Variants in TRPC5 observed in about 807,000 individuals in gnomAD.
The protein encoded by TRPC5 is transient receptor potential cation channel subfamily C member 5, also known as short transient receptor potential channel 5.
TRPC5 carries 9 observed loss-of-function variants against 56.5 expected under a neutral mutation model. The ratio of observed to expected loss-of-function variants is 0.16; its 90% CI spans 0.10 to 0.28. The LOEUF (loss-of-function observed/expected upper bound fraction) is 0.28, where lower values mean the gene tolerates loss of function less well. TRPC5 is among the 10% of genes least tolerant of loss of function. The pLI is 1.00. For synonymous variants in TRPC5, 282 were observed against 278.5 expected, an observed-to-expected ratio of 1.01 and a Z score of -0.13; for missense variants, 469 against 748.9, an observed-to-expected ratio of 0.63 and a Z score of 4.36.
chrX:112,064,904 C>T (rs1403171686), intron 1 of TRPC5, among the ~76,000 whole-genome samples: 1 of 109,898 alleles, frequency 9.1e-6, no homozygotes, highest in Non-Finnish European at 1.9e-5. Context: ...GAAACCCTGT[C>T]TCTACTAAAA....
intron 2 of TRPC5, among the ~76,000 whole-genome samples, chrX:111,948,009 A>G (rs182376367): frequency 6.9e-4 from 78 of 112,511 alleles, no homozygotes; most frequent in Non-Finnish European, 1.4e-3. Context: ...TTGTTTAATT[A>G]GGCAAATATG....
chrX:111,938,229 G>C (rs1926657601), intron 2 of TRPC5, among the ~76,000 whole-genome samples: 1 of 89,353 alleles, frequency 1.1e-5, no homozygotes, highest in Non-Finnish European at 2.2e-5. Flanking sequence ...TTGCCTATCA[G>C]CTTAAGGAGA....
At chrX:112,005,618 G>A (rs769133388) in intron 1 of TRPC5, among the ~76,000 whole-genome samples, 44 of 111,053 alleles carry the variant, frequency 4.0e-4, no homozygotes, top group Admixed American at 7.7e-4. Context: ...CCTGTTCTAA[G>A]AGAAGTATAA....
At chrX:111,985,703 C>T (rs1362316778) in intron 1 of TRPC5, among the ~76,000 whole-genome samples, 1 of 111,775 alleles carries the variant, frequency 8.9e-6, no homozygotes, top group Admixed American at 9.5e-5. Flanking sequence ...TTCTGCTCAT[C>T]CAGATTAAGT....
intron 6 of TRPC5, among the ~76,000 whole-genome samples, chrX:111,837,602 T>A (rs1710896115): frequency 9.0e-6 from 1 of 111,650 alleles, no homozygotes; most frequent in South Asian, 3.8e-4. Context: ...AAATATGTAA[T>A]CAATATGTTG....
At chrX:111,972,947 G>A (rs1304850709) in intron 1 of TRPC5, among the ~76,000 whole-genome samples, 6 of 111,432 alleles carry the variant, frequency 5.4e-5, no homozygotes, top group Admixed American at 9.6e-5. Context: ...GAGGTTTATA[G>A]ATGGACTTCT....
intron 1 of TRPC5, among the ~76,000 whole-genome samples, chrX:112,026,678 G>A (rs775195128): frequency 9.0e-6 from 1 of 110,640 alleles, no homozygotes; most frequent in African/African-American, 3.3e-5. Context: ...AGTTCTTATA[G>A]TCTATGCTTG....
chrX:111,857,230 T>A (rs1434632246), intron 3 of TRPC5, among the ~76,000 whole-genome samples: 6 of 112,128 alleles, frequency 5.4e-5, no homozygotes, highest in Non-Finnish European at 1.1e-4. Context: ...GCAGAAAGAT[T>A]AGTTAGAAAA....
intron 1 of TRPC5, among the ~76,000 whole-genome samples, chrX:112,048,129 TA>T (rs890989706): frequency 7.2e-5 from 8 of 111,543 alleles, no homozygotes; most frequent in Admixed American, 2.9e-4. Context: ...GGTGTTTGGT[TA>T]AAAAAAATAC....
At chrX:111,836,931 C>A (rs1379214417) in intron 6 of TRPC5, among the ~76,000 whole-genome samples, 1 of 112,707 alleles carries the variant, frequency 8.9e-6, no homozygotes, top group East Asian at 2.8e-4. Context: ...GCCTGACTCT[C>A]AAGGGCCCTT....
chrX:111,923,373 C>A (rs1161063196), intron 2 of TRPC5, among the ~76,000 whole-genome samples: 1 of 111,316 alleles, frequency 9.0e-6, no homozygotes, highest in Non-Finnish European at 1.9e-5. Flanking sequence ...CATAGAGGCC[C>A]TGAAGTTTTC....
In TRPC5 at chrX:111,812,379, C is replaced by T. The variant is rs768818761; in HGVS notation, c.1896+22542G>A. ...TTTTAGCTAAGCATTTTGAAAAGAGCTTGAGGACCCCAATTGCTCCCATTC... is the reference window on the plus strand; with the variant it reads ...TTTTAGCTAAGCATTTTGAAAAGAGTTTGAGGACCCCAATTGCTCCCATTC... On this transcript the variant is annotated intron_variant, in intron 7 of 10. Transcript: ENST00000262839. Among the ~76,000 whole-genome samples, 6 of 111,527 alleles carry T rather than the reference C, an allele frequency of 5.4e-5. No homozygotes were observed. In the East Asian group the frequency reaches 1.4e-3, roughly 26 times the overall value.
At chrX:111,875,405 A>G (rs1345159895) in intron 3 of TRPC5, among the ~76,000 whole-genome samples, 1 of 110,630 alleles carries the variant, frequency 9.0e-6, no homozygotes, top group Non-Finnish European at 1.9e-5. Flanking sequence ...AGGACAGGGC[A>G]GTGAACAGGG....
intron 3 of TRPC5, among the ~76,000 whole-genome samples, chrX:111,855,314 G>C (rs1923193403): frequency 9.0e-6 from 1 of 111,383 alleles, no homozygotes; most frequent in Non-Finnish European, 1.9e-5. Context: ...TCTCACTGTG[G>C]GAAATGCTGT....
intron 2 of TRPC5, among the ~76,000 whole-genome samples, chrX:111,926,809 A>T (rs750087043): frequency 1.8e-5 from 2 of 112,226 alleles, no homozygotes; most frequent in Admixed American, 9.4e-5. Flanking sequence ...AGTAGGCTGG[A>T]TCCAAAGCTT....
At position 111,968,143 on chromosome X, in the gene TRPC5, C is replaced by A. The variant is rs1488446377; in HGVS notation, c.-21-15702G>T. Among the ~76,000 whole-genome samples the A allele has an allele frequency of 6.3e-5, 7 of 111,521 alleles. No individual in the cohort carries two copies. The East Asian group carries it at 1.1e-3, about 18-fold the overall frequency. On this transcript the variant is annotated intron_variant, in intron 1 of 10. Coordinates refer to ENST00000262839, the MANE Select transcript of TRPC5 (RefSeq NM_012471.3). ...AATTTACAAGAAAAAAACAAAAAAA[C>A]CCCATCAAAAAGTGGGCGAAGGATA...
At chrX:111,876,313 T>C (rs1051905053) in intron 3 of TRPC5, 5 of 111,446 alleles carry the variant, frequency 4.5e-5, no homozygotes, top group African/African-American at 1.6e-4. Flanking sequence ...TGCAAGTCTA[T>C]GAGAGAAGAC....
intron 2 of TRPC5, among the ~76,000 whole-genome samples, chrX:111,945,209 T>C (rs1478150309): frequency 9.2e-6 from 1 of 108,950 alleles, no homozygotes; most frequent in Non-Finnish European, 1.9e-5. Context: ...CTCTCCCTGA[T>C]AACAGTACTC....
At chrX:111,935,363 T>C (rs1345546921) in intron 2 of TRPC5, among the ~76,000 whole-genome samples, 1 of 112,161 alleles carries the variant, frequency 8.9e-6, no homozygotes, top group African/African-American at 3.2e-5. Flanking sequence ...TATGTTCTGG[T>C]TATTAATCTG....
Sources: allele counts gnomAD v4.1 joint callset (sites outside exome capture counted in the v4.1 genomes callset), GRCh38; gene constraint gnomAD v4.1.1; transcripts MANE v1.5; gene names NCBI Gene and HGNC (gene_info 2026-07-23, HGNC 2026-07-21).